The following ROBO1 variants were observed in gnomAD, a reference collection of about 807,000 sequenced individuals.
ROBO1 encodes roundabout homolog 1.
Under a neutral mutation model 195.9 loss-of-function variants are expected in ROBO1, and 149 were observed. The observed-to-expected ratio is 0.76, with a 90% CI of 0.67 to 0.87. ROBO1 has a LOEUF of 0.87. Among genes scored for constraint, ROBO1 ranks in the 40% least tolerant of loss-of-function variants. The pLI is 0.00. For synonymous variants in ROBO1, 816 were observed against 733.2 expected, an observed-to-expected ratio of 1.11 and a Z score of -1.82; for missense variants, 1,933 against 2,068.3, an observed-to-expected ratio of 0.93 and a Z score of 1.27.
chr3:79,588,797 G>A (rs568177584), intron 2 of ROBO1, among the ~76,000 whole-genome samples: 2 of 151,680 alleles, frequency 1.3e-5, no homozygotes, highest in South Asian at 4.1e-4. Flanking sequence ...CAGACTTAAA[G>A]TTTCTGTATT....
intron 1 of ROBO1, among the ~76,000 whole-genome samples, chr3:79,665,305 A>G: frequency 6.6e-6 from 1 of 151,858 alleles, no homozygotes; most frequent in East Asian, 1.9e-4. Flanking sequence ...CTTGGTTTTG[A>G]TATGGTATTT....
chr3:79,639,966 AT>A lies in ROBO1; in HGVS notation c.-50-50006del, dbSNP rs996784178. ...CAGTAGCTTGTAAGAGTTAAAATAG[AT>A]TTTTTTCTTTTATGCAAATGTGTAT... On this transcript the variant is annotated intron_variant, in intron 1 of 30. Coordinates refer to ENST00000464233, the MANE Select transcript of ROBO1 (RefSeq NM_002941.4). Among the ~76,000 whole-genome samples, 20 of 152,186 alleles carry A rather than the reference AT, an allele frequency of 1.3e-4. No homozygotes were observed. In the East Asian group the frequency reaches 1.7e-3, roughly 13 times the overall value.
At chr3:79,017,850 G>A (rs569551040) in intron 3 of ROBO1, among the ~76,000 whole-genome samples, 6 of 152,194 alleles carry the variant, frequency 3.9e-5, no homozygotes, top group African/African-American at 1.4e-4. Context: ...ACCTTAAGAA[G>A]GAGTTATTTC....
intron 2 of ROBO1, among the ~76,000 whole-genome samples, chr3:79,265,719 T>C (rs1249881207): frequency 5.9e-5 from 9 of 151,460 alleles, no homozygotes; most frequent in Non-Finnish European, 3.0e-5. Context: ...GAAACCAATA[T>C]ATAATAGAAG....
intron 2 of ROBO1, among the ~76,000 whole-genome samples, chr3:79,283,827 A>G (rs1185301324): frequency 1.6e-4 from 24 of 151,258 alleles, no homozygotes; most frequent in Non-Finnish European, 3.2e-4. Flanking sequence ...CCTCCCGAGT[A>G]GCTGGGACTA....
intron 3 of ROBO1, among the ~76,000 whole-genome samples, chr3:79,074,092 T>A (rs542736040): frequency 6.6e-6 from 1 of 152,002 alleles, no homozygotes; most frequent in East Asian, 1.9e-4. Flanking sequence ...TTATTTTTTA[T>A]CTATTAGACT....
chr3:78,649,338 C>A (rs753195590), intron 19 of ROBO1, among the ~76,000 whole-genome samples: 1 of 152,158 alleles, frequency 6.6e-6, no homozygotes, highest in East Asian at 1.9e-4. Context: ...TGCTAGCACA[C>A]GAAATAACAA....
chr3:78,740,446 CTTTTT>C (rs10576855), intron 5 of ROBO1, among the ~76,000 whole-genome samples: 1 of 139,104 alleles, frequency 7.2e-6, no homozygotes, highest in African/African-American at 2.7e-5. Context: ...TCTTATTTTT[CTTTTT>C]TTCTTTCTTT....
chr3:79,448,326 G>A (rs1240985597), intron 2 of ROBO1, among the ~76,000 whole-genome samples: 1 of 152,118 alleles, frequency 6.6e-6, no homozygotes, highest in Non-Finnish European at 1.5e-5. Context: ...TTCATTTATA[G>A]CAAGAAGTTT....
At chr3:79,679,327 T>C (rs963272649) in intron 1 of ROBO1, among the ~76,000 whole-genome samples, 2 of 151,988 alleles carry the variant, frequency 1.3e-5, no homozygotes, top group African/African-American at 4.8e-5. Context: ...TGATTTTACA[T>C]AGCATTCCAT....
chr3:78,953,841 A>G (rs1031750455), intron 3 of ROBO1, among the ~76,000 whole-genome samples: 20 of 152,058 alleles, frequency 1.3e-4, no homozygotes, highest in African/African-American at 3.9e-4. Flanking sequence ...ACAGGTTAGC[A>G]TAAGTTCTAA....
At chr3:79,017,717 C>T (rs2077986098) in intron 3 of ROBO1, among the ~76,000 whole-genome samples, 1 of 152,096 alleles carries the variant, frequency 6.6e-6, no homozygotes, top group African/African-American at 2.4e-5. Flanking sequence ...TTTAATTAAT[C>T]CTAAACATCC....
At chr3:79,191,578 C>A (rs1022583703) in intron 2 of ROBO1, among the ~76,000 whole-genome samples, 10 of 151,012 alleles carry the variant, frequency 6.6e-5, no homozygotes, top group African/African-American at 2.2e-4. Context: ...TATTAATATA[C>A]CACACATATT....
intron 4 of ROBO1, among the ~76,000 whole-genome samples, chr3:78,869,136 A>G (rs1198367939): frequency 6.6e-6 from 1 of 152,136 alleles, no homozygotes; most frequent in Non-Finnish European, 1.5e-5. Context: ...AATTCAATGA[A>G]ATTGAAGTTT....
intron 1 of ROBO1, among the ~76,000 whole-genome samples, chr3:79,698,464 A>T (rs1947511749): frequency 6.6e-6 from 1 of 151,458 alleles, no homozygotes. Context: ...TTTTCCACAT[A>T]TAGATAAATA....
At chr3:78,678,808 C>T (rs1708604071) in intron 10 of ROBO1, among the ~76,000 whole-genome samples, 1 of 152,152 alleles carries the variant, frequency 6.6e-6, no homozygotes, top group Non-Finnish European at 1.5e-5. Flanking sequence ...AGAGGGAATC[C>T]TCCCTAACTC....
intron 4 of ROBO1, among the ~76,000 whole-genome samples, chr3:78,879,149 T>C (rs2036029884): frequency 1.3e-5 from 2 of 152,334 alleles, no homozygotes; most frequent in African/African-American, 4.8e-5. Flanking sequence ...TTTTGATTTA[T>C]GCTAAGTTGG....
chr3:79,276,118 A>G (rs189172020), intron 2 of ROBO1, among the ~76,000 whole-genome samples: 6 of 152,210 alleles, frequency 3.9e-5, no homozygotes, highest in African/African-American at 9.6e-5. Context: ...CATATAAAAA[A>G]TAATCCTAAA....
At chr3:79,563,140 G>A (rs373214642) in intron 2 of ROBO1, among the ~76,000 whole-genome samples, 12 of 151,952 alleles carry the variant, frequency 7.9e-5, no homozygotes, top group African/African-American at 2.9e-4. Context: ...ATTGCACGTG[G>A]ACATGTCATG....
Sources: allele counts gnomAD v4.1 joint callset (sites outside exome capture counted in the v4.1 genomes callset), GRCh38; gene constraint gnomAD v4.1.1; transcripts MANE v1.5; gene names NCBI Gene and HGNC (gene_info 2026-07-23, HGNC 2026-07-21).